The following B4GALT3 variants were observed in gnomAD, a reference collection of about 807,000 sequenced individuals.
The protein encoded by B4GALT3 is N-acetyllactosamine synthase.
Under a neutral mutation model 40.7 loss-of-function variants are expected in B4GALT3, and 29 were observed. The ratio of observed to expected loss-of-function variants is 0.71; its 90% CI spans 0.53 to 0.97. B4GALT3 has a LOEUF of 0.97. B4GALT3 is among the 50% of genes least tolerant of loss of function. The probability of loss-of-function intolerance (pLI) is 0.00; values close to 1 mark genes in which losing one functional copy is unlikely to be tolerated. For synonymous variants in B4GALT3, 182 were observed against 203.9 expected (o/e 0.89, Z 0.92); for missense variants, 390 against 522.3 (o/e 0.75, Z 2.47).
chr1:161,173,476 G>A (rs1662256969), intron 6 of B4GALT3, 129 bp downstream of exon 6: 1 of 1,354,990 alleles, frequency 7.4e-7, no homozygotes, highest in Admixed American at 1.9e-5. Flanking sequence ...AAAGACTAAG[G>A]GAAAGGAATG....
At chr1:161,176,153 G>T in intron 2 of B4GALT3, 79 bp from the exon 3 acceptor site, 1 of 1,475,974 alleles carries the variant, frequency 6.8e-7, no homozygotes, top group Non-Finnish European at 9.3e-7. Context: ...AGGGTTGAAG[G>T]TGATGCCAGG....
At position 161,175,833 on chromosome 1, in the gene B4GALT3, G is replaced by A; in HGVS notation, c.228C>T (p.Tyr76=). ...GGPPAPQGLP[Y]CPERSPLLVG... ...CTAAGAGAGGAGATCGTTCTGGACA[G>A]TAGGGCAGACCTTGAGGAGCTGGAG... The change falls in exon 3 of 8, where the codon TAC becomes TAT. Residue 76 remains tyrosine, a synonymous_variant. Coordinates refer to ENST00000319769, the MANE Select transcript of B4GALT3 (RefSeq NM_003779.4). 2.5e-6 allele frequency: 4 copies of A among 1,614,164 alleles called. No individual in the cohort carries two copies. Among genetic ancestry groups the A allele is most frequent in the Non-Finnish European group, 3.4e-6 (4 of 1,180,018 alleles).
Position 161,175,054 on chromosome 1 carries a change from T to C in B4GALT3, c.428A>G (p.Tyr143Cys), listed in dbSNP as rs1662979591. Residue 143 changes from tyrosine to cysteine, a missense_variant, in exon 4 of 8, where the codon TAC becomes TGC. By Grantham distance (194) the Tyr-to-Cys change is radical. Coordinates refer to ENST00000319769, the MANE Select transcript of B4GALT3 (RefSeq NM_003779.4). ...AREHHLRLLL[Y>C]HLHPFLQRQQ... ...GCGCTGCAAGAAGGGGTGCAGGTGG[T>C]AGAGCAGCAGGCGCAGGTGGTGCTC... The C allele has an allele frequency of 6.2e-7, 1 of 1,613,896 alleles. No homozygotes were observed. The highest frequency in any genetic ancestry group is 1.3e-5 in the African/African-American group (1 of 74,908).
At chr1:161,174,083 T>C (rs1372271992) in intron 4 of B4GALT3, 34 bp from the exon 5 acceptor site, 1 of 1,600,988 alleles carries the variant, frequency 6.2e-7, no homozygotes, top group Admixed American at 1.7e-5. Context: ...AGACTATGTC[T>C]GTAGGTGGCA....
rs1661397550 is a variant in B4GALT3 at position 161,171,436 on chromosome 1, T to TC, written c.*379dup. ...GAGGGGCTTCCTTCACCAAACAACT[T>TC]CCCGGGAACCATAAATAGAATAAAT... On this transcript the variant is annotated 3_prime_UTR_variant, in exon 8 of 8. Coordinates refer to ENST00000319769, the MANE Select transcript of B4GALT3 (RefSeq NM_003779.4). The TC allele has an allele frequency of 1.3e-5, 8 of 617,752 alleles. No individual in the cohort carries two copies. The South Asian group carries it at 1.4e-4, about 11-fold the overall frequency. The allele number at this position is 617,752 out of a possible 1,614,324, so 38.3% of individuals were successfully genotyped here.
rs1663041501 is a variant in B4GALT3, at chr1:161,175,171, C to T, written c.311G>A (p.Arg104Gln). The T allele has an allele frequency of 7.4e-6, 12 of 1,613,588 alleles. No homozygotes were observed. The highest frequency in any genetic ancestry group is 1.1e-5 in the South Asian group (1 of 91,058). Residue 104 changes from arginine to glutamine, a missense_variant, in exon 4 of 8, where the codon CGG becomes CAG. Transcript: ENST00000319769. The part of the protein sequence containing the change: ...PVPSLAEIVE[R>Q]NPRVEPGGRY... The stretch of plus-strand genomic sequence containing the variant: ...GCCCCCTGGTTCTACCCGGGGATTC[C>T]GCTCCACAATCTCTGCCAGTGATGG...
Position 161,171,633 on chromosome 1 carries a change from G to C in B4GALT3, c.*183C>G. Reference sequence around the variant, plus strand: ...AGCCCTACAGGAGACCCTAGAGAGAGGGACCCCTCAGGTCTACAGGAGCCC... The same window carrying C: ...AGCCCTACAGGAGACCCTAGAGAGACGGACCCCTCAGGTCTACAGGAGCCC... On this transcript the variant is annotated 3_prime_UTR_variant, in exon 8 of 8. Coordinates refer to ENST00000319769, the MANE Select transcript of B4GALT3 (RefSeq NM_003779.4). 1.3e-6 allele frequency: 1 copy of C among 766,370 alleles called. No homozygotes were observed. 47.5% of individuals were successfully genotyped at this position (766,370 alleles called of 1,614,324 possible).
chr1:161,174,236 T>A (rs1315884188), intron 4 of B4GALT3, among the ~76,000 whole-genome samples, 187 bp from the exon 5 acceptor site: 2 of 151,806 alleles, frequency 1.3e-5, no homozygotes, highest in African/African-American at 4.8e-5. Context: ...TAAAACCCCA[T>A]CTCTACTAAA....
rs755946197 is a variant in B4GALT3, at chr1:161,174,009, A to G, written c.530T>C (p.Val177Ala). Reference protein sequence around the residue: ...GTFNRAKLLNVGVREALRDEE... With the variant: ...GTFNRAKLLNAGVREALRDEE... Reference sequence around the variant, plus strand: ...ATCACGCAGGGCCTCTCGCACCCCAACGTTCAACAGTTTTGCCCTGTTAAA... The same window carrying G: ...ATCACGCAGGGCCTCTCGCACCCCAGCGTTCAACAGTTTTGCCCTGTTAAA... Residue 177 changes from valine (V) to alanine (A), a missense_variant, in exon 5 of 8, where the codon GTT becomes GCT. Physicochemically the swap from Val to Ala is moderately conservative, Grantham distance 64 (BLOSUM62 0). Transcript: ENST00000319769. 3 of 1,614,006 alleles carry G rather than the reference A, an allele frequency of 1.9e-6. No individual in the cohort carries two copies. Among genetic ancestry groups the G allele is most frequent in the African/African-American group, 1.3e-5 (1 of 74,930 alleles).
chr1:161,175,694 C>T, intron 3 of B4GALT3, 114 bp downstream of exon 3: 1 of 1,471,224 alleles, frequency 6.8e-7, no homozygotes, highest in South Asian at 1.3e-5. Context: ...GCAGCCTCAG[C>T]CTACCTATCC....
In B4GALT3 at chr1:161,171,961, G is replaced by A. The variant is rs1441868782; in HGVS notation, c.1037C>T (p.Pro346Leu). 5.0e-6 allele frequency: 8 copies of A among 1,614,058 alleles called. No individual in the cohort carries two copies. The highest frequency in any genetic ancestry group is 6.8e-6 in the Non-Finnish European group (8 of 1,180,032). ...TNITADIGTD[P>L]RGPRAPSGPR... The stretch of plus-strand genomic sequence containing the variant: ...CCCAGAAGGAGCCCGAGGACCCCGA[G>A]GGTCAGTCCCAATGTCTGCTGTGAT... Residue 346 changes from proline (P) to leucine (L), a missense_variant, in exon 8 of 8, where the codon CCT becomes CTT. Physicochemically the swap from Pro to Leu is moderately conservative, Grantham distance 98. Coordinates refer to ENST00000319769, the MANE Select transcript of B4GALT3 (RefSeq NM_003779.4).
At chr1:161,173,259 C>T (rs567199569) in intron 6 of B4GALT3, among the ~76,000 whole-genome samples, 1 of 152,298 alleles carries the variant, frequency 6.6e-6, no homozygotes, top group South Asian at 2.1e-4. Context: ...TGGAGCAGAG[C>T]CCCTCTCTCC....
At position 161,176,821 on chromosome 1, in the gene B4GALT3, A is replaced by G. The variant is rs576392885; in HGVS notation, c.-160-242T>C. ...ACAGATTGGGGAGTGGGGACAGGAC[A>G]GCTAATGGAAACATTGTTTTCCCCC... On this transcript the variant is annotated intron_variant, in intron 1 of 7. Transcript: ENST00000319769. The G allele has an allele frequency of 2.7e-5, 41 of 1,527,242 alleles. No individual in the cohort carries two copies. The Admixed American group carries it at 5.9e-4, about 22-fold the overall frequency. 94.6% of individuals were successfully genotyped at this position (1,527,242 alleles called of 1,614,324 possible).
In B4GALT3 at chr1:161,177,262, C is replaced by A. The variant is rs1420445378; in HGVS notation, c.-161+161G>T. ...TCCCAGTCTCTTGCTTTTGCCCTAC[C>A]TACTAGCAACGTGAGCCCGCCCGGC... On this transcript the variant is annotated intron_variant, in intron 1 of 7. Transcript: ENST00000319769. 3 of 612,034 alleles carry A rather than the reference C, an allele frequency of 4.9e-6. No homozygotes were observed. The African/African-American group carries it at 5.5e-5, about 11-fold the overall frequency. 37.9% of individuals were successfully genotyped at this position (612,034 alleles called of 1,614,324 possible). A position where few individuals can be genotyped will look rare whatever the true frequency, so the allele number is the denominator to read the frequency against.
At position 161,172,038 on chromosome 1, in the gene B4GALT3, G is replaced by A. The variant is rs941553438; in HGVS notation, c.960C>T (p.Asn320=). The A allele has an allele frequency of 6.2e-7, 1 of 1,614,096 alleles. No homozygotes were observed. The highest frequency in any genetic ancestry group is 8.5e-7 in the Non-Finnish European group (1 of 1,180,028). The change falls in exon 8 of 8, where the codon AAC becomes AAT. Residue 320 remains asparagine (N), a synonymous_variant. Coordinates refer to ENST00000319769, the MANE Select transcript of B4GALT3 (RefSeq NM_003779.4). ...TQNSWTQDGM[N]SLTYQLLARE... ...GAGCCAGCAACTGGTATGTCAGTGAGTTCATCCCATCTTGCGTCCAGGAAT... is the reference window on the plus strand; with the variant it reads ...GAGCCAGCAACTGGTATGTCAGTGAATTCATCCCATCTTGCGTCCAGGAAT...
At position 161,173,619 on chromosome 1, in the gene B4GALT3, G is replaced by A. The variant is rs373749788; in HGVS notation, c.789C>T (p.Asp263=). Reference sequence around the variant, plus strand: ...GGAAGTCTGACCTGGTAGCAATGTCGTCATCCTCACCACCCCAGCCCCAGT... The same window carrying A: ...GGAAGTCTGACCTGGTAGCAATGTCATCATCCTCACCACCCCAGCCCCAGT... ...NEYWGWGGED[D]DIATRVRLAG... The change falls in exon 6 of 8, where the codon GAC becomes GAT. Residue 263 remains aspartate, a synonymous_variant. Coordinates refer to ENST00000319769, the MANE Select transcript of B4GALT3 (RefSeq NM_003779.4). 13 of 1,614,040 alleles carry A rather than the reference G, an allele frequency of 8.1e-6. No homozygotes were observed. Among genetic ancestry groups the A allele is most frequent in the African/African-American group, 1.3e-5 (1 of 75,006 alleles).
rs937431945 is a variant in B4GALT3 at position 161,171,339 on chromosome 1, T to A, written c.*477A>T. On this transcript the variant is annotated 3_prime_UTR_variant, in exon 8 of 8. Transcript: ENST00000319769. ...AGACAAAGTCCTTTATTAGAAAATA[T>A]ATCAAAATCCCAGCCCCCTGAGCCA... 13 of 1,222,568 alleles carry A rather than the reference T, an allele frequency of 1.1e-5. No individual in the cohort carries two copies. The highest frequency in any genetic ancestry group is 1.5e-5 in the Non-Finnish European group (13 of 866,016). The allele number at this position is 1,222,568 out of a possible 1,614,324, so 75.7% of individuals were successfully genotyped here. A position where few individuals can be genotyped will look rare whatever the true frequency, so the allele number is the denominator to read the frequency against.
chr1:161,172,111 C>T (rs773170451), intron 7 of B4GALT3, 22 bp from the exon 8 acceptor site: 6 of 1,612,680 alleles, frequency 3.7e-6, no homozygotes, highest in Non-Finnish European at 5.1e-6. Flanking sequence ...AGGTTGGAGA[C>T]TAAGACCCAG....
intron 6 of B4GALT3, 33 bp from the exon 7 acceptor site, chr1:161,172,364 CAGAGT>C (rs1236932267): frequency 6.3e-7 from 1 of 1,579,388 alleles, no homozygotes; most frequent in African/African-American, 1.4e-5. Context: ...ATGGGGGATC[CAGAGT>C]AGAGAAAAGC....
Sources: gnomAD v4.1 joint callset for allele counts (sites outside exome capture counted in the v4.1 genomes callset) on GRCh38, gnomAD v4.1.1 for gene constraint, MANE v1.5 for transcripts, NCBI Gene and HGNC (gene_info 2026-07-23, HGNC 2026-07-21) for gene names.